The following FRMD4B variants were observed in gnomAD, a reference collection of about 807,000 sequenced individuals.
The protein encoded by FRMD4B is FERM domain-containing protein 4B.
In FRMD4B, 74 loss-of-function variants were observed where a neutral mutation model predicts 141.5. The observed-to-expected ratio is 0.52, with a 90% CI of 0.43 to 0.63. The LOEUF (loss-of-function observed/expected upper bound fraction) is 0.63, where lower values mean the gene tolerates loss of function less well. FRMD4B is among the 30% of genes least tolerant of loss of function. The pLI is 0.00. For missense variants in FRMD4B, 1,366 were observed against 1,253.4 expected, an observed-to-expected ratio of 1.09 and a Z score of -1.36; for synonymous variants, 506 against 467.9, an observed-to-expected ratio of 1.08 and a Z score of -1.05.
chr3:69,509,764 A>G (rs1346688710), intron 1 of FRMD4B, among the ~76,000 whole-genome samples: 2 of 152,002 alleles, frequency 1.3e-5, no homozygotes, highest in Non-Finnish European at 2.9e-5. Flanking sequence ...CCCTATATCA[A>G]GCAAATCTAT....
chr3:69,405,126 C>A (rs1221119652), intron 2 of FRMD4B, among the ~76,000 whole-genome samples: 2 of 152,194 alleles, frequency 1.3e-5, no homozygotes, highest in African/African-American at 4.8e-5. Context: ...CAGGGTCAAA[C>A]AGACCTTGTA....
At position 69,171,834 on chromosome 3, in the gene FRMD4B, T is replaced by G. The variant is rs761568833; in HGVS notation, c.*27A>C. 5 of 1,610,530 alleles carry G rather than the reference T, an allele frequency of 3.1e-6. No homozygotes were observed. The South Asian group carries it at 5.5e-5, about 18-fold the overall frequency. ...AAGGCACACTAGTGTGAGAACGCAG[T>G]GCTTGGTCAGGAGGTCCAACTGCAG... On this transcript the variant is annotated 3_prime_UTR_variant, in exon 23 of 23. Coordinates refer to ENST00000398540, the MANE Select transcript of FRMD4B (RefSeq NM_015123.3).
chr3:69,254,168 G>C (rs1205514602), intron 5 of FRMD4B, among the ~76,000 whole-genome samples: 2 of 151,974 alleles, frequency 1.3e-5, no homozygotes, highest in African/African-American at 4.8e-5. Flanking sequence ...GCAGTGGTAT[G>C]ATCTTGGCTC....
chr3:69,542,056 C>A (rs1301926984), intron 1 of FRMD4B: 3 of 152,168 alleles, frequency 2.0e-5, no homozygotes, highest in African/African-American at 7.2e-5. Context: ...CGGGGTTTTC[C>A]GCTCTCCCAA....
intron 1 of FRMD4B, among the ~76,000 whole-genome samples, chr3:69,518,294 C>G (rs765605639): frequency 3.3e-5 from 5 of 151,984 alleles, no homozygotes; most frequent in Admixed American, 6.6e-5. Flanking sequence ...ACAATGTATT[C>G]TTATACATTG....
At chr3:69,304,959 A>G (rs999720566) in intron 3 of FRMD4B, among the ~76,000 whole-genome samples, 1 of 152,232 alleles carries the variant, frequency 6.6e-6, no homozygotes, top group Non-Finnish European at 1.5e-5. Context: ...ATGAGCATAA[A>G]TAATAATATG....
chr3:69,536,778 G>C (rs1701094232), intron 1 of FRMD4B: 1 of 459,188 alleles, frequency 2.2e-6, no homozygotes, highest in Non-Finnish European at 4.0e-6. Context: ...ACAGAGTCTT[G>C]CTCTGTCGCT....
rs138709223 is a variant in FRMD4B at position 69,482,826 on chromosome 3, A to G, written c.-128-50065T>C. Among the ~76,000 whole-genome samples the G allele has an allele frequency of 9.2e-4, 140 of 152,084 alleles. 1 individual carries two copies. The highest frequency in any genetic ancestry group is 3.4e-3 in the African/African-American group (139 of 41,484). On this transcript the variant is annotated intron_variant, in intron 1 of 5. Coordinates refer to the FRMD4B transcript ENST00000459638. ...ACATCGCATCCCAGGGTAAACTGTT[A>G]CTCTTTTTTGGTTTGCTTTTAACCA...
chr3:69,360,846 T>C (rs921836453), intron 1 of FRMD4B, among the ~76,000 whole-genome samples: 1 of 152,216 alleles, frequency 6.6e-6, no homozygotes, highest in African/African-American at 2.4e-5. Context: ...CATTAGCAGC[T>C]GCTAATGCTC....
intron 5 of FRMD4B, among the ~76,000 whole-genome samples, chr3:69,275,503 A>T (rs1307619799): frequency 1.3e-5 from 2 of 151,126 alleles, no homozygotes; most frequent in East Asian, 3.9e-4. Flanking sequence ...ACAGTGGCAC[A>T]ATCATGGCTC....
chr3:69,290,257 G>T (rs1391953607), intron 4 of FRMD4B, among the ~76,000 whole-genome samples: 1 of 152,122 alleles, frequency 6.6e-6, no homozygotes, highest in Non-Finnish European at 1.5e-5. Flanking sequence ...TCAACCAATT[G>T]CACATGGTCT....
chr3:69,508,880 A>G (rs1199979018), intron 1 of FRMD4B, among the ~76,000 whole-genome samples: 1 of 152,210 alleles, frequency 6.6e-6, no homozygotes. Context: ...TCTCCATTTC[A>G]TAGACAAGGA....
intron 1 of FRMD4B, among the ~76,000 whole-genome samples, chr3:69,515,244 C>G (rs1700736209): frequency 6.6e-6 from 1 of 152,140 alleles, no homozygotes; most frequent in Admixed American, 6.6e-5. Flanking sequence ...TGGTGCTAAC[C>G]ATTCATGAGA....
chr3:69,457,660 T>C (rs1266064961), intron 1 of FRMD4B, among the ~76,000 whole-genome samples: 2 of 140,550 alleles, frequency 1.4e-5, no homozygotes, highest in Non-Finnish European at 3.2e-5. Flanking sequence ...TTTTTCTTTA[T>C]ATTAAAAAAT....
Position 69,463,281 on chromosome 3 carries a change from A to G in FRMD4B, c.-128-30520T>C, listed in dbSNP as rs182548433. On this transcript the variant is annotated intron_variant, in intron 1 of 5. Transcript: ENST00000459638. ...AGAATATCAAATAAATGACAATCGT[A>G]GAATCTAACACATACAGTTTTGCCT... Among the ~76,000 whole-genome samples the G allele has an allele frequency of 2.6e-5, 4 of 152,346 alleles. No individual in the cohort carries two copies. The East Asian group carries it at 7.7e-4, about 29-fold the overall frequency.
intron 1 of FRMD4B, among the ~76,000 whole-genome samples, chr3:69,332,702 G>A (rs1020975305): frequency 2.0e-5 from 3 of 149,546 alleles, no homozygotes; most frequent in South Asian, 2.1e-4. Context: ...TCAGCTTCCC[G>A]AGTAGCTAGG....
chr3:69,419,778 A>G (rs1259306535), intron 2 of FRMD4B, among the ~76,000 whole-genome samples: 1 of 152,218 alleles, frequency 6.6e-6, no homozygotes. Flanking sequence ...AGTAAATGGA[A>G]GTTCCTATGC....
chr3:69,300,747 T>C (rs2107157957), intron 4 of FRMD4B, among the ~76,000 whole-genome samples: 1 of 152,320 alleles, frequency 6.6e-6, no homozygotes, highest in South Asian at 2.1e-4. Flanking sequence ...GTTTTTGTTT[T>C]TGTTTTTTGG....
intron 1 of FRMD4B, among the ~76,000 whole-genome samples, chr3:69,369,526 C>T (rs931015782): frequency 2.7e-5 from 4 of 149,820 alleles, no homozygotes; most frequent in Non-Finnish European, 5.9e-5. Context: ...GATTCTGGCA[C>T]TAACATCTCA....
Sources: gnomAD v4.1 joint callset for allele counts (sites outside exome capture counted in the v4.1 genomes callset) on GRCh38, gnomAD v4.1.1 for gene constraint, MANE v1.5 for transcripts, NCBI Gene and HGNC (gene_info 2026-07-23, HGNC 2026-07-21) for gene names.